CYP7B1: variants seen among roughly 807,000 people sequenced by gnomAD.
CYP7B1 encodes cytochrome P450 7B1.
CYP7B1 carries 29 observed loss-of-function variants against 42.7 expected under a neutral mutation model. That is an observed-to-expected ratio of 0.68 (90% CI 0.51 to 0.93). CYP7B1 has a LOEUF of 0.93. Among genes scored for constraint, CYP7B1 ranks in the 40% least tolerant of loss-of-function variants. The probability of loss-of-function intolerance (pLI) is 0.00; values close to 1 mark genes in which losing one functional copy is unlikely to be tolerated. For missense variants in CYP7B1, 655 were observed against 600.5 expected, an observed-to-expected ratio of 1.09 and a Z score of -0.95; for synonymous variants, 235 against 218.2, an observed-to-expected ratio of 1.08 and a Z score of -0.68.
intron 1 of CYP7B1, among the ~76,000 whole-genome samples, chr8:64,797,482 G>A (rs1471427680): frequency 1.3e-5 from 2 of 152,072 alleles, no homozygotes; most frequent in Non-Finnish European, 2.9e-5. Context: ...ACCTGGAAGC[G>A]CACATTCCAG....
intron 1 of CYP7B1, among the ~76,000 whole-genome samples, chr8:64,712,962 A>T (rs532398572): frequency 6.6e-6 from 1 of 152,302 alleles, no homozygotes; most frequent in South Asian, 2.1e-4. Flanking sequence ...CTATTAGTGC[A>T]TAATTACTGC....
At chr8:64,772,563 T>C (rs992281525) in intron 1 of CYP7B1, among the ~76,000 whole-genome samples, 3 of 152,322 alleles carry the variant, frequency 2.0e-5, no homozygotes, top group South Asian at 4.1e-4. Context: ...TCAGTAATCA[T>C]GTGAGCCAAT....
chr8:64,604,696 A>C lies in CYP7B1; in HGVS notation c.1219T>G (p.Phe407Val). 6.2e-7 allele frequency: 1 copy of C among 1,614,166 alleles called. No homozygotes were observed. The change falls in exon 5 of 6, where the codon TTT becomes GTT. Residue 407 changes from phenylalanine to valine, a missense_variant. Physicochemically the swap from Phe to Val is conservative, Grantham distance 50 (BLOSUM62 -1). Coordinates refer to ENST00000310193, the MANE Select transcript of CYP7B1 (RefSeq NM_004820.5). ...PPVLHGDPEIFEAPEEFRYDR... is the reference protein window; with the variant it reads ...PPVLHGDPEIVEAPEEFRYDR... ...TGTTTACTTACCTCTGGAGCTTCAA[A>C]GATTTCAGGGTCACCATGTAGGACT...
At chr8:64,621,639 TG>T (rs1186900003) in intron 2 of CYP7B1, among the ~76,000 whole-genome samples, 4 of 152,060 alleles carry the variant, frequency 2.6e-5, no homozygotes, top group Non-Finnish European at 5.9e-5. Flanking sequence ...GACCTGATCT[TG>T]GGGAGCCTCA....
intron 1 of CYP7B1, among the ~76,000 whole-genome samples, chr8:64,649,353 T>C (rs995710095): frequency 6.6e-6 from 1 of 152,230 alleles, no homozygotes; most frequent in Non-Finnish European, 1.5e-5. Context: ...TATAAAATCC[T>C]CAAGTTTCAT....
At chr8:64,695,222 C>A (rs1287187203) in intron 1 of CYP7B1, among the ~76,000 whole-genome samples, 5 of 152,116 alleles carry the variant, frequency 3.3e-5, no homozygotes, top group Admixed American at 2.6e-4. Context: ...AAAATACACA[C>A]GCAAAGCCAC....
At chr8:64,633,495 C>A (rs973207214) in intron 1 of CYP7B1, among the ~76,000 whole-genome samples, 1 of 152,094 alleles carries the variant, frequency 6.6e-6, no homozygotes, top group Non-Finnish European at 1.5e-5. Flanking sequence ...AAACACAATA[C>A]TACTTACATT....
intron 1 of CYP7B1, among the ~76,000 whole-genome samples, chr8:64,680,641 C>A (rs923168771): frequency 2.0e-5 from 3 of 152,090 alleles, no homozygotes; most frequent in African/African-American, 7.2e-5. Context: ...GCCAGTGATA[C>A]AAATTCCAGA....
chr8:64,733,248 A>G (rs1807440174), intron 1 of CYP7B1, among the ~76,000 whole-genome samples: 1 of 152,202 alleles, frequency 6.6e-6, no homozygotes, highest in Non-Finnish European at 1.5e-5. Flanking sequence ...CCACTTTAAG[A>G]GATGGGTCCC....
At chr8:64,745,618 CA>C (rs1273396399) in intron 1 of CYP7B1, among the ~76,000 whole-genome samples, 15 of 152,066 alleles carry the variant, frequency 9.9e-5, no homozygotes, top group Non-Finnish European at 4.4e-5. Flanking sequence ...AACTGCAGTT[CA>C]ATCGGGTATA....
intron 1 of CYP7B1, among the ~76,000 whole-genome samples, chr8:64,747,822 CATT>C (rs892709684): frequency 3.3e-5 from 5 of 151,812 alleles, no homozygotes; most frequent in African/African-American, 9.7e-5. Context: ...CCTGGCTATT[CATT>C]ATTATTATTA....
At chr8:64,784,202 A>G (rs1422805058) in intron 1 of CYP7B1, among the ~76,000 whole-genome samples, 1 of 152,188 alleles carries the variant, frequency 6.6e-6, no homozygotes, top group Admixed American at 6.5e-5. Flanking sequence ...GATTACTTTT[A>G]TCATGCTGAA....
rs76535591 is a variant in CYP7B1 at position 64,756,463 on chromosome 8, C to T, written c.122+42003G>A. Among the ~76,000 whole-genome samples the T allele has an allele frequency of 9.8e-3, 1,490 of 152,188 alleles. 42 individuals carry two copies. The highest frequency in any genetic ancestry group is 0.077 in the East Asian group (398 of 5,172). On this transcript the variant is annotated intron_variant, in intron 1 of 5. Transcript: ENST00000310193. Reference sequence around the variant, plus strand: ...CTAAGCTCAGGGTTTGTTTTGGAAGCGGAATTTCTAGGTGCCAGGATAGGA... The same window carrying T: ...CTAAGCTCAGGGTTTGTTTTGGAAGTGGAATTTCTAGGTGCCAGGATAGGA...
intron 1 of CYP7B1, among the ~76,000 whole-genome samples, chr8:64,730,518 A>G (rs1025567989): frequency 6.6e-6 from 1 of 152,152 alleles, no homozygotes; most frequent in Non-Finnish European, 1.5e-5. Flanking sequence ...CCATCATGAC[A>G]GACTTTGAAA....
At chr8:64,789,333 C>T (rs1179339836) in intron 1 of CYP7B1, among the ~76,000 whole-genome samples, 2 of 152,144 alleles carry the variant, frequency 1.3e-5, no homozygotes, top group East Asian at 1.9e-4. Context: ...TTTTTCTGTG[C>T]TCATGACTAC....
chr8:64,660,944 G>A (rs1806190802), intron 1 of CYP7B1, among the ~76,000 whole-genome samples: 2 of 152,300 alleles, frequency 1.3e-5, no homozygotes, highest in South Asian at 4.1e-4. Context: ...GAGAAGAAAG[G>A]TTAACCTGGA....
intron 1 of CYP7B1, among the ~76,000 whole-genome samples, chr8:64,691,872 G>A (rs1053491951): frequency 3.3e-5 from 5 of 152,174 alleles, no homozygotes; most frequent in African/African-American, 1.2e-4. Flanking sequence ...CAGTACAGAC[G>A]ATGCTTATCA....
At chr8:64,609,001 A>T (rs1298683240) in intron 4 of CYP7B1, among the ~76,000 whole-genome samples, 2 of 152,132 alleles carry the variant, frequency 1.3e-5, no homozygotes, top group Admixed American at 1.3e-4. Context: ...TGCTTGGAGC[A>T]CTGGGCCACT....
chr8:64,597,272 T>A, intron 5 of CYP7B1, among the ~76,000 whole-genome samples: 1 of 152,138 alleles, frequency 6.6e-6, no homozygotes, highest in East Asian at 1.9e-4. Context: ...TATACCAATG[T>A]TAGGTAGAAG....
Sources: gnomAD v4.1 joint callset for allele counts (sites outside exome capture counted in the v4.1 genomes callset) on GRCh38, gnomAD v4.1.1 for gene constraint, MANE v1.5 for transcripts, NCBI Gene and HGNC (gene_info 2026-07-23, HGNC 2026-07-21) for gene names.